The following NCKAP5 variants were observed in gnomAD, a reference collection of about 807,000 sequenced individuals.
NCKAP5 encodes NCK associated protein 5.
A neutral mutation model predicts 167.0 loss-of-function variants in NCKAP5; 92 were observed. That is an observed-to-expected ratio of 0.55 (90% CI 0.47 to 0.66). NCKAP5 has a LOEUF of 0.66. Among genes scored for constraint, NCKAP5 ranks in the 30% least tolerant of loss-of-function variants. The pLI, the probability that NCKAP5 is intolerant of heterozygous loss-of-function variation, is 0.00. For synonymous variants in NCKAP5, 891 were observed against 877.4 expected (o/e 1.02, Z -0.27); for missense variants, 2,378 against 2,315.0 (o/e 1.03, Z -0.56).
chr2:133,245,895 GGA>G (rs144982111), intron 4 of NCKAP5, among the ~76,000 whole-genome samples: 3,815 of 112,592 alleles, frequency 0.034, 144 homozygotes, highest in African/African-American at 0.095. Flanking sequence ...GATTTGATCA[GGA>G]AAAAAAAAAA....
intron 3 of NCKAP5, among the ~76,000 whole-genome samples, chr2:133,373,172 G>GC (rs1379831053): frequency 2.0e-5 from 3 of 152,140 alleles, no homozygotes; most frequent in Admixed American, 6.6e-5. Context: ...CAAGCCTTGT[G>GC]CCTCAGCCCC....
the NCKAP5 span, among the ~76,000 whole-genome samples, chr2:133,577,735 C>T: frequency 6.6e-6 from 1 of 152,208 alleles, no homozygotes; most frequent in Non-Finnish European, 1.5e-5. Flanking sequence ...ATTCATTGCC[C>T]TCATGTTCAA....
chr2:132,804,586 C>T (rs954692757), intron 11 of NCKAP5, among the ~76,000 whole-genome samples: 2 of 152,044 alleles, frequency 1.3e-5, no homozygotes, highest in African/African-American at 4.8e-5. Flanking sequence ...AAAACTTGAC[C>T]TATTTTTACC....
At chr2:132,931,934 A>G (rs1246422307) in intron 8 of NCKAP5, among the ~76,000 whole-genome samples, 1 of 152,216 alleles carries the variant, frequency 6.6e-6, no homozygotes, top group Non-Finnish European at 1.5e-5. Context: ...GTAAAGTTAA[A>G]TTTCACTAAT....
chr2:133,048,209 G>A (rs1000405878), intron 6 of NCKAP5, among the ~76,000 whole-genome samples: 2 of 152,092 alleles, frequency 1.3e-5, no homozygotes, highest in Admixed American at 6.6e-5. Context: ...ATTGGACTGG[G>A]GGAACCTGGC....
At chr2:133,178,801 G>T (rs1369066337) in intron 5 of NCKAP5, among the ~76,000 whole-genome samples, 4 of 145,046 alleles carry the variant, frequency 2.8e-5, no homozygotes, top group African/African-American at 7.8e-5. Context: ...CTCCAGCCTG[G>T]GCAACAGAGC....
intron 5 of NCKAP5, among the ~76,000 whole-genome samples, chr2:133,196,681 G>A (rs902454692): frequency 6.6e-5 from 10 of 152,146 alleles, no homozygotes; most frequent in Non-Finnish European, 8.8e-5. Flanking sequence ...TGGTATCACC[G>A]GGTCTAGACT....
intron 5 of NCKAP5, among the ~76,000 whole-genome samples, chr2:133,165,315 G>A (rs2083954395): frequency 6.6e-6 from 1 of 152,174 alleles, no homozygotes; most frequent in African/African-American, 2.4e-5. Flanking sequence ...TACAGCTCAG[G>A]TTCAAGATGC....
intron 3 of NCKAP5, among the ~76,000 whole-genome samples, chr2:133,341,654 C>G (rs1433431158): frequency 6.6e-6 from 1 of 152,080 alleles, no homozygotes; most frequent in African/African-American, 2.4e-5. Context: ...AAATGTCCTC[C>G]CAAATTTGCC....
At chr2:133,415,061 G>A (rs376516413) in intron 3 of NCKAP5, among the ~76,000 whole-genome samples, 15 of 152,088 alleles carry the variant, frequency 9.9e-5, no homozygotes, top group East Asian at 9.7e-4. Flanking sequence ...CAGGCCAAGC[G>A]GCTGCTGTCC....
At chr2:133,067,465 T>C (rs2080237326) in intron 6 of NCKAP5, among the ~76,000 whole-genome samples, 1 of 152,260 alleles carries the variant, frequency 6.6e-6, no homozygotes, top group African/African-American at 2.4e-5. Context: ...GTTTTAGAGC[T>C]GGCCTATGCA....
At chr2:133,549,357 T>G (rs1052893197) in intron 2 of NCKAP5, among the ~76,000 whole-genome samples, 4 of 148,476 alleles carry the variant, frequency 2.7e-5, no homozygotes, top group African/African-American at 1.0e-4. Flanking sequence ...AAAGCTCTCC[T>G]CAGCAAATGT....
chr2:133,172,591 C>T (rs533948635), intron 5 of NCKAP5, among the ~76,000 whole-genome samples: 1 of 152,320 alleles, frequency 6.6e-6, no homozygotes, highest in Non-Finnish European at 1.5e-5. Flanking sequence ...CCTGTCTCAG[C>T]CTCCAAGTAG....
At chr2:133,026,798 T>C (rs967301910) in intron 6 of NCKAP5, among the ~76,000 whole-genome samples, 7 of 152,308 alleles carry the variant, frequency 4.6e-5, no homozygotes, top group Admixed American at 3.3e-4. Flanking sequence ...ATAGACAAAG[T>C]TCCTATCACT....
At chr2:132,685,502 A>T (rs1685812617) in intron 19 of NCKAP5, among the ~76,000 whole-genome samples, 1 of 152,176 alleles carries the variant, frequency 6.6e-6, no homozygotes, top group African/African-American at 2.4e-5. Context: ...CTGGTGGCAG[A>T]CAGGGTACCT....
intron 3 of NCKAP5, among the ~76,000 whole-genome samples, chr2:133,426,687 C>T (rs945954379): frequency 6.6e-6 from 1 of 152,094 alleles, no homozygotes; most frequent in African/African-American, 2.4e-5. Flanking sequence ...AACGATCATA[C>T]CTTATTCAAG....
chr2:133,045,248 TC>T (rs2079355594), intron 6 of NCKAP5, among the ~76,000 whole-genome samples: 1 of 151,752 alleles, frequency 6.6e-6, no homozygotes, highest in Non-Finnish European at 1.5e-5. Context: ...ACACACAGGG[TC>T]CAGCCAGAAA....
chr2:133,086,139 T>C (rs1473447970), intron 6 of NCKAP5, among the ~76,000 whole-genome samples: 4 of 152,180 alleles, frequency 2.6e-5, no homozygotes, highest in East Asian at 1.9e-4. Flanking sequence ...AAAAGGTCTA[T>C]TGAAGTCCTC....
chr2:132,796,815 G>T, intron 11 of NCKAP5, 86 bp from the exon 12 acceptor site: 1 of 917,348 alleles, frequency 1.1e-6, no homozygotes, highest in Non-Finnish European at 1.7e-6. Context: ...AATCTCAAAA[G>T]ACTTGACATT....
Sources: gnomAD v4.1 joint callset for allele counts (sites outside exome capture counted in the v4.1 genomes callset) on GRCh38, gnomAD v4.1.1 for gene constraint, MANE v1.5 for transcripts, NCBI Gene and HGNC (gene_info 2026-07-23, HGNC 2026-07-21) for gene names.